The following WASL variants were observed in gnomAD, a reference collection of about 807,000 sequenced individuals.
WASL encodes the protein actin nucleation-promoting factor WASL.
In WASL, 20 loss-of-function variants were observed where a neutral mutation model predicts 55.5. The observed-to-expected ratio is 0.36, with a 90% confidence interval of 0.25 to 0.52. WASL has a LOEUF of 0.52. Ranked by LOEUF, WASL falls within the 20% of genes least tolerant of loss-of-function variation. WASL has a pLI of 0.92. For missense variants in WASL, 504 were observed against 622.5 expected, an observed-to-expected ratio of 0.81 and a Z score of 2.03; for synonymous variants, 249 against 217.6, an observed-to-expected ratio of 1.14 and a Z score of -1.27.
chr7:123,704,395 A>G (rs1803635382), intron 5 of WASL, among the ~76,000 whole-genome samples: 1 of 152,174 alleles, frequency 6.6e-6, no homozygotes, highest in African/African-American at 2.4e-5. Flanking sequence ...TGTTAGAAAA[A>G]TATCAAAGAA....
chr7:123,734,045 A>T (rs1348977210), intron 1 of WASL, among the ~76,000 whole-genome samples: 1 of 152,174 alleles, frequency 6.6e-6, no homozygotes, highest in Non-Finnish European at 1.5e-5. Context: ...ACATAAAACA[A>T]AACCTGGGTG....
intron 6 of WASL, among the ~76,000 whole-genome samples, 195 bp from the exon 7 acceptor site, chr7:123,696,060 TACTA>T (rs1205061018): frequency 6.6e-6 from 1 of 152,074 alleles, no homozygotes; most frequent in Non-Finnish European, 1.5e-5. Context: ...CTGACTCTGC[TACTA>T]ACTGAAACTT....
chr7:123,706,513 C>T (rs1464485828), intron 3 of WASL, 140 bp from the exon 4 acceptor site: 1 of 886,002 alleles, frequency 1.1e-6, no homozygotes, highest in South Asian at 1.8e-5. Flanking sequence ...ATTTTATGAT[C>T]TGAATAACTT....
intron 1 of WASL, among the ~76,000 whole-genome samples, chr7:123,720,501 T>C (rs1803926134): frequency 6.6e-6 from 1 of 152,220 alleles, no homozygotes. Context: ...TTTGCCTATG[T>C]ATGCACAGAA....
At chr7:123,716,058 A>G (rs909755670) in intron 1 of WASL, among the ~76,000 whole-genome samples, 1 of 152,146 alleles carries the variant, frequency 6.6e-6, no homozygotes, top group Non-Finnish European at 1.5e-5. Context: ...TCTACTTAAA[A>G]GGAGTTTTTC....
chr7:123,692,252 AAAG>A, intron 9 of WASL, 92 bp downstream of exon 9: 1 of 1,458,286 alleles, frequency 6.9e-7, no homozygotes, highest in Non-Finnish European at 9.1e-7. Flanking sequence ...CAAGAGGAAA[AAAG>A]AATACACTTT....
intron 1 of WASL, among the ~76,000 whole-genome samples, chr7:123,712,910 G>C (rs1181027694): frequency 2.6e-5 from 4 of 152,098 alleles, no homozygotes; most frequent in Non-Finnish European, 5.9e-5. Context: ...ACCACATTAT[G>C]TAACAGGTCA....
intron 1 of WASL, among the ~76,000 whole-genome samples, chr7:123,746,220 T>A (rs1804428777): frequency 6.6e-6 from 1 of 152,198 alleles, no homozygotes; most frequent in African/African-American, 2.4e-5. Flanking sequence ...CCTAGTAAGC[T>A]CCCTGAGGAC....
chr7:123,748,591 G>A (rs751352590), intron 1 of WASL, 27 bp downstream of exon 1: 3 of 1,610,218 alleles, frequency 1.9e-6, no homozygotes, highest in East Asian at 4.5e-5. Context: ...AATGTCACGG[G>A]TGGCGACGCG....
chr7:123,725,762 C>G (rs906937316), intron 1 of WASL, among the ~76,000 whole-genome samples: 2 of 152,258 alleles, frequency 1.3e-5, no homozygotes, highest in East Asian at 1.9e-4. Context: ...AAATTTAGAT[C>G]TGCTTTACTG....
chr7:123,695,600 G>A (rs1384405209), intron 7 of WASL, among the ~76,000 whole-genome samples: 1 of 152,016 alleles, frequency 6.6e-6, no homozygotes, highest in African/African-American at 2.4e-5. Context: ...TTTATACAGT[G>A]TATAAAGCCA....
At chr7:123,726,926 G>A (rs144855609) in intron 1 of WASL, among the ~76,000 whole-genome samples, 225 of 152,092 alleles carry the variant, frequency 1.5e-3, no homozygotes, top group African/African-American at 5.0e-3. Flanking sequence ...TCTGAAGTAC[G>A]TATCTCTAAC....
In WASL at chr7:123,695,879, T is replaced by A. The variant is rs545574783; in HGVS notation, c.630-14A>T. 3.9e-5 allele frequency: 63 copies of A among 1,610,822 alleles called. No individual in the cohort carries two copies. The highest frequency in any genetic ancestry group is 5.2e-5 in the Non-Finnish European group (61 of 1,178,206). On this transcript the variant is annotated splice_polypyrimidine_tract_variant and intron_variant, in intron 6 of 10. Transcript: ENST00000223023. ...TGTCCAATGTGCCTGAAGTAGAAAA[T>A]AGAAAAAAAATAGAAAAACAAAATG...
At chr7:123,742,395 T>C (rs976173611) in intron 1 of WASL, among the ~76,000 whole-genome samples, 1 of 152,236 alleles carries the variant, frequency 6.6e-6, no homozygotes, top group African/African-American at 2.4e-5. Flanking sequence ...ACCAAGATTA[T>C]TTTAATCACA....
intron 1 of WASL, among the ~76,000 whole-genome samples, chr7:123,722,895 G>A (rs898331014): frequency 6.6e-6 from 1 of 152,102 alleles, no homozygotes; most frequent in Non-Finnish European, 1.5e-5. Flanking sequence ...GCTAAGAAGG[G>A]AGCCCTGAAT....
At chr7:123,733,862 A>T (rs1804180980) in intron 1 of WASL, among the ~76,000 whole-genome samples, 1 of 151,578 alleles carries the variant, frequency 6.6e-6, no homozygotes, top group Admixed American at 6.6e-5. Flanking sequence ...TCCAATAAAG[A>T]ACTGATAATA....
chr7:123,748,047 T>A (rs1422226901), intron 1 of WASL, among the ~76,000 whole-genome samples: 1 of 151,738 alleles, frequency 6.6e-6, no homozygotes, highest in Non-Finnish European at 1.5e-5. Context: ...GAGAAATAAA[T>A]CTTGTTTCTC....
rs1358700620 is a variant in WASL, at chr7:123,696,670, T to A, written c.538A>T (p.Asn180Tyr). ...TTTTCTTTGGTATGGGAGATGTTGT[T>A]GACTTGTGGACCATAAAATCTATTT... is the stretch of plus-strand genomic sequence containing the variant. ...TTNRFYGPQV[N>Y]NISHTKEKKK... Residue 180 changes from asparagine (N) to tyrosine (Y), a missense_variant, in exon 6 of 11, where the codon AAC (asparagine) becomes TAC (tyrosine). By Grantham distance (143) the Asn-to-Tyr change is moderately radical (BLOSUM62 -2). Transcript: ENST00000223023. The A allele has an allele frequency of 6.2e-7, 1 of 1,608,096 alleles. No individual in the cohort carries two copies. The highest frequency in any genetic ancestry group is 1.7e-5 in the Admixed American group (1 of 59,414).
chr7:123,713,569 C>G (rs910611143), intron 1 of WASL, among the ~76,000 whole-genome samples: 3 of 152,140 alleles, frequency 2.0e-5, no homozygotes, highest in African/African-American at 7.2e-5. Flanking sequence ...GTCAAATACT[C>G]CAACTTTTAT....
Sources: allele counts gnomAD v4.1 joint callset (sites outside exome capture counted in the v4.1 genomes callset), GRCh38; gene constraint gnomAD v4.1.1; transcripts MANE v1.5; gene names NCBI Gene and HGNC (gene_info 2026-07-23, HGNC 2026-07-21).